Variants in SGMS2 observed in about 807,000 individuals in gnomAD.
SGMS2 encodes sphingomyelin synthase 2, also known as phosphatidylcholine:ceramide cholinephosphotransferase 2.
In SGMS2, 21 loss-of-function variants were observed where a neutral mutation model predicts 43.8. The ratio of observed to expected loss-of-function variants is 0.48; its 90% CI spans 0.34 to 0.69. The LOEUF (loss-of-function observed/expected upper bound fraction) is 0.69, where lower values mean the gene tolerates loss of function less well. Ranked by LOEUF, SGMS2 falls within the 30% of genes least tolerant of loss-of-function variation. The probability of loss-of-function intolerance (pLI) is 0.01; values close to 1 mark genes in which losing one functional copy is unlikely to be tolerated. For missense variants in SGMS2, 384 were observed against 443.2 expected (o/e 0.87, Z 1.20); for synonymous variants, 167 against 160.6 (o/e 1.04, Z -0.30).
rs1005050527 is a variant in SGMS2, at chr4:107,878,312, A to G, written c.-244-16998A>G. On this transcript the variant is annotated intron_variant, in intron 2 of 6. Transcript: ENST00000690982. ...CTTCCCTACCCTACAGAACCTCTAG[A>G]TGTGTCAGAAATGGAGCTGGGGAAA... is the stretch of plus-strand genomic sequence containing the variant. 5.3e-5 allele frequency among the ~76,000 whole-genome samples: 8 copies of G among 152,262 alleles called. 1 individual carries two copies. Among genetic ancestry groups the G allele is most frequent in the Middle Eastern group, 6.8e-3 (2 of 294 alleles).
chr4:107,850,389 G>T (rs1418295961), intron 1 of SGMS2, among the ~76,000 whole-genome samples: 1 of 152,164 alleles, frequency 6.6e-6, no homozygotes, highest in Non-Finnish European at 1.5e-5. Flanking sequence ...GAAATGTGAT[G>T]GAAAACTGGT....
At chr4:107,857,788 A>G (rs993807116) in intron 1 of SGMS2, among the ~76,000 whole-genome samples, 1 of 152,162 alleles carries the variant, frequency 6.6e-6, no homozygotes, top group Non-Finnish European at 1.5e-5. Flanking sequence ...CAGCACATCA[A>G]CCTAAGTTTC....
chr4:107,896,408 T>G (rs1730677429), intron 3 of SGMS2, among the ~76,000 whole-genome samples: 1 of 152,212 alleles, frequency 6.6e-6, no homozygotes, highest in African/African-American at 2.4e-5. Context: ...GTTGAGAAAC[T>G]TTTTTCTCCA....
In SGMS2 at chr4:107,912,062, A is replaced by G. The variant is rs183982180; in HGVS notation, c.*1509A>G. 4 of 152,266 alleles carry G rather than the reference A, an allele frequency of 2.6e-5. No homozygotes were observed. The East Asian group carries it at 7.7e-4, about 29-fold the overall frequency. 9.4% of individuals were successfully genotyped at this position (152,266 alleles called of 1,614,324 possible). On this transcript the variant is annotated 3_prime_UTR_variant, in exon 7 of 7. Transcript: ENST00000690982. ...ATTTTTCTTTCATTTAGAATGGAAA[A>G]CATCCCCAAATGTATCATTATAAAC...
intron 1 of SGMS2, among the ~76,000 whole-genome samples, chr4:107,852,303 T>G (rs1056048421): frequency 6.6e-6 from 1 of 151,872 alleles, no homozygotes; most frequent in Non-Finnish European, 1.5e-5. Context: ...GGTCTGGATT[T>G]CCTGACCCCG....
rs760120536 is a variant in SGMS2, at chr4:107,899,687, C to T, written c.568C>T (p.Pro190Ser). ...PVPGMHFQCAPKLNGDSQAKV... is the reference protein window; with the variant it reads ...PVPGMHFQCASKLNGDSQAKV... Reference sequence around the variant, plus strand: ...GCCTGGAATGCATTTCCAGTGTGCTCCAAAGGTCAGTACCTCCAAACTGCC... The same window carrying T: ...GCCTGGAATGCATTTCCAGTGTGCTTCAAAGGTCAGTACCTCCAAACTGCC... Residue 190 changes from proline to serine, a missense_variant, in exon 4 of 7, where the codon CCA (proline) becomes TCA (serine). Transcript: ENST00000690982. 1.6e-5 allele frequency: 25 copies of T among 1,609,014 alleles called. No individual in the cohort carries two copies. The highest frequency in any genetic ancestry group is 2.0e-5 in the Non-Finnish European group (24 of 1,177,130).
At chr4:107,852,534 C>T (rs1400119796) in intron 1 of SGMS2, among the ~76,000 whole-genome samples, 2 of 152,108 alleles carry the variant, frequency 1.3e-5, no homozygotes, top group East Asian at 3.8e-4. Flanking sequence ...TAGCATTTTG[C>T]ATTATCTTTC....
At chr4:107,839,386 T>C (rs140296040) in intron 1 of SGMS2, among the ~76,000 whole-genome samples, 1 of 152,144 alleles carries the variant, frequency 6.6e-6, no homozygotes, top group Non-Finnish European at 1.5e-5. Context: ...TGGTTTTTTT[T>C]TTCCCTTCTC....
rs185885513 is a variant in SGMS2, at chr4:107,878,009, G to A, written c.-244-17301G>A. Among the ~76,000 whole-genome samples, 170 of 144,568 alleles carry A rather than the reference G, an allele frequency of 1.2e-3. 1 individual carries two copies. The highest frequency in any genetic ancestry group is 3.6e-3 in the African/African-American group (137 of 37,860). 94.8% of individuals were successfully genotyped at this position (144,568 alleles called of 152,430 possible). ...CGGCTCACTGCAACCTCCACCTCCC[G>A]GGTTTAAGTGATTCTCCTGCCTCAG... On this transcript the variant is annotated intron_variant, in intron 2 of 6. Transcript: ENST00000690982.
intron 2 of SGMS2, among the ~76,000 whole-genome samples, chr4:107,891,846 A>G (rs1352444777): frequency 6.6e-6 from 1 of 152,012 alleles, no homozygotes; most frequent in East Asian, 1.9e-4. Context: ...TTCTTTACAC[A>G]TGGTGACAAA....
At position 107,910,572 on chromosome 4, in the gene SGMS2, C is replaced by CA; in HGVS notation, c.*20dup. 2 of 1,609,456 alleles carry CA rather than the reference C, an allele frequency of 1.2e-6. No individual in the cohort carries two copies. The highest frequency in any genetic ancestry group is 1.7e-6 in the Non-Finnish European group (2 of 1,176,602). ...GACCTGAGGAGCAAAACAAAGGCAT[C>CA]AGCTCTTACACCAAAAGAGTTAACG... On this transcript the variant is annotated 3_prime_UTR_variant, in exon 7 of 7. Coordinates refer to ENST00000690982, the MANE Select transcript of SGMS2 (RefSeq NM_001375905.1).
At chr4:107,884,594 C>T (rs1396265848) in intron 2 of SGMS2, among the ~76,000 whole-genome samples, 1 of 152,194 alleles carries the variant, frequency 6.6e-6, no homozygotes, top group Non-Finnish European at 1.5e-5. Context: ...GGCAAACCTG[C>T]CTCCCATTCT....
At chr4:107,910,199 T>C in intron 6 of SGMS2, 151 bp from the exon 7 acceptor site, 1 of 675,618 alleles carries the variant, frequency 1.5e-6, no homozygotes, top group South Asian at 2.0e-5. Context: ...GGAGTCATGG[T>C]AGAGTTAGGG....
intron 1 of SGMS2, among the ~76,000 whole-genome samples, chr4:107,826,955 C>A (rs1467727448): frequency 6.6e-6 from 1 of 152,200 alleles, no homozygotes; most frequent in Non-Finnish European, 1.5e-5. Context: ...ACATGGGAAT[C>A]CAGGAGACCT....
chr4:107,830,076 A>G (rs1480499495), intron 1 of SGMS2, among the ~76,000 whole-genome samples: 1 of 152,074 alleles, frequency 6.6e-6, no homozygotes, highest in African/African-American at 2.4e-5. Flanking sequence ...TTCCCTTCTT[A>G]GGGTCCATGT....
At chr4:107,881,849 T>G (rs1174931609) in intron 2 of SGMS2, among the ~76,000 whole-genome samples, 1 of 152,198 alleles carries the variant, frequency 6.6e-6, no homozygotes, top group Non-Finnish European at 1.5e-5. Context: ...CTCCCACAAA[T>G]GAGTGGGAAC....
intron 1 of SGMS2, among the ~76,000 whole-genome samples, chr4:107,845,090 A>G (rs957819817): frequency 8.6e-4 from 131 of 152,196 alleles, no homozygotes; most frequent in Non-Finnish European, 1.6e-3. Flanking sequence ...AAGGGAAACT[A>G]ATCAGGAAAA....
intron 2 of SGMS2, among the ~76,000 whole-genome samples, chr4:107,870,297 G>T (rs1728470006): frequency 6.6e-6 from 1 of 152,188 alleles, no homozygotes; most frequent in Non-Finnish European, 1.5e-5. Flanking sequence ...ATAGATGGGA[G>T]ATTAAAATGG....
Position 107,851,733 on chromosome 4 carries a change from GA to G in SGMS2, c.-326-6737del, listed in dbSNP as rs545514672. ...TGCTTCTATCTTAATTCACATTTTT[GA>G]ATTAAGTTTCTTGTTTTATTTTTAC... On this transcript the variant is annotated intron_variant, in intron 1 of 6. Coordinates refer to ENST00000690982, the MANE Select transcript of SGMS2 (RefSeq NM_001375905.1). Among the ~76,000 whole-genome samples the G allele has an allele frequency of 4.8e-3, 736 of 152,094 alleles. 8 individuals are homozygous for G. Among genetic ancestry groups the G allele is most frequent in the Middle Eastern group, 0.01 (3 of 294 alleles).
Sources: allele counts gnomAD v4.1 joint callset (sites outside exome capture counted in the v4.1 genomes callset), GRCh38; gene constraint gnomAD v4.1.1; transcripts MANE v1.5; gene names NCBI Gene and HGNC (gene_info 2026-07-23, HGNC 2026-07-21).